CTNNA1: variants seen among roughly 807,000 people sequenced by gnomAD.
CTNNA1 encodes the protein catenin alpha 1.
Under a neutral mutation model 98.4 loss-of-function variants are expected in CTNNA1, and 37 were observed. The ratio of observed to expected loss-of-function variants is 0.38; its 90% CI spans 0.29 to 0.49. The LOEUF is 0.49. CTNNA1 is among the 20% of genes least tolerant of loss of function. CTNNA1 has a pLI of 0.95. For synonymous variants in CTNNA1, 404 were observed against 413.2 expected (o/e 0.98, Z 0.27); for missense variants, 761 against 1,147.2 (o/e 0.66, Z 4.86).
intron 10 of CTNNA1, among the ~76,000 whole-genome samples, chr5:138,914,327 T>C (rs1466981819): frequency 6.6e-6 from 1 of 152,212 alleles, no homozygotes; most frequent in East Asian, 1.9e-4. Flanking sequence ...ATTGAATTAA[T>C]GAGTTAATTA....
At chr5:138,925,570 G>C in intron 13 of CTNNA1, 163 bp downstream of exon 13, 1 of 1,133,026 alleles carries the variant, frequency 8.8e-7, no homozygotes, top group Non-Finnish European at 1.2e-6. Flanking sequence ...TGTCTAAAAT[G>C]ACTGTTAGTT....
At chr5:138,908,867 G>A (rs1016255763) in intron 10 of CTNNA1, among the ~76,000 whole-genome samples, 3 of 152,016 alleles carry the variant, frequency 2.0e-5, no homozygotes, top group Non-Finnish European at 4.4e-5. Flanking sequence ...GCCTCCATCC[G>A]AGCAGAGCGC....
At chr5:138,753,593 G>A in intron 1 of CTNNA1, 83 bp downstream of exon 1, 1 of 359,106 alleles carries the variant, frequency 2.8e-6, no homozygotes, top group East Asian at 4.0e-5. Context: ...CCCAAGCTGG[G>A]CCCCGCGAGC....
intron 1 of CTNNA1, among the ~76,000 whole-genome samples, chr5:138,767,417 A>C (rs1195323079): frequency 1.3e-5 from 2 of 152,118 alleles, no homozygotes; most frequent in African/African-American, 4.8e-5. Context: ...GGTTGCCGGA[A>C]GGTGCTGGTG....
chr5:138,809,917 ACT>A (rs1758497883), intron 3 of CTNNA1, 119 bp from the exon 4 acceptor site: 1 of 1,302,698 alleles, frequency 7.7e-7, no homozygotes, highest in Non-Finnish European at 1.0e-6. Context: ...AAAAATGAAA[ACT>A]CTTAAACTAA....
intron 7 of CTNNA1, among the ~76,000 whole-genome samples, chr5:138,829,168 G>T (rs962021363): frequency 1.3e-5 from 2 of 152,094 alleles, no homozygotes; most frequent in African/African-American, 2.4e-5. Flanking sequence ...TAAGAAAAAT[G>T]AGATTAGAGG....
At chr5:138,849,982 A>G (rs1232011833) in intron 7 of CTNNA1, among the ~76,000 whole-genome samples, 1 of 151,040 alleles carries the variant, frequency 6.6e-6, no homozygotes, top group African/African-American at 2.5e-5. Context: ...TTTTGTAGAT[A>G]CAATAAAACA....
chr5:138,903,010 G>C (rs1055625787), intron 9 of CTNNA1, among the ~76,000 whole-genome samples: 2 of 152,026 alleles, frequency 1.3e-5, no homozygotes, highest in African/African-American at 4.8e-5. Context: ...GAAAAGAAAT[G>C]TCTCTCTGCT....
intron 7 of CTNNA1, among the ~76,000 whole-genome samples, chr5:138,852,871 G>GCGCACACACACACACGCGCGCGCACA (rs869240008): frequency 6.6e-6 from 1 of 151,240 alleles, no homozygotes; most frequent in African/African-American, 2.4e-5. Context: ...GCGCGCGCGC[G>GCGCACACACACACACGCGCGCGCACA]CACACACACA....
chr5:138,924,450 C>A (rs1475431534), intron 11 of CTNNA1, 60 bp from the exon 12 acceptor site: 1 of 1,548,446 alleles, frequency 6.5e-7, no homozygotes, highest in Non-Finnish European at 8.9e-7. Flanking sequence ...TGCCAGCTTA[C>A]AGTTGCCACC....
intron 7 of CTNNA1, among the ~76,000 whole-genome samples, chr5:138,860,104 A>G (rs288014): frequency 0.65 from 98,779 of 151,732 alleles, 32,862 homozygotes; most frequent in East Asian, 0.93. Flanking sequence ...TTATTTTCCA[A>G]TGTGGTACCT....
rs558654384 is a variant in CTNNA1, at chr5:138,795,311, A to G, written c.301+11939A>G. Among the ~76,000 whole-genome samples, 69 of 152,224 alleles carry G rather than the reference A, an allele frequency of 4.5e-4. No homozygotes were observed. In the South Asian group the frequency reaches 0.012, roughly 26 times the overall value. The stretch of plus-strand genomic sequence containing the variant: ...CCCGTCTACTAAAAATATAAAAATT[A>G]GCTGGGCGTGTTGGCGCACATCTGT... On this transcript the variant is annotated intron_variant, in intron 3 of 17. Transcript: ENST00000302763.
intron 10 of CTNNA1, among the ~76,000 whole-genome samples, chr5:138,911,436 T>C (rs1760601490): frequency 6.6e-6 from 1 of 151,556 alleles, no homozygotes; most frequent in East Asian, 1.9e-4. Context: ...GATGGAAAGA[T>C]TATCCTAGAT....
chr5:138,776,548 T>G (rs1754208822), intron 1 of CTNNA1, among the ~76,000 whole-genome samples: 1 of 152,188 alleles, frequency 6.6e-6, no homozygotes, highest in Non-Finnish European at 1.5e-5. Context: ...CCGTTCTCAA[T>G]GAGCTGCTGG....
At chr5:138,872,947 A>T (rs1750818919) in intron 7 of CTNNA1, 1 of 1,218,132 alleles carries the variant, frequency 8.2e-7, no homozygotes, top group Admixed American at 2.3e-5. Flanking sequence ...TTAGATATGT[A>T]TTTAGCCTCT....
Position 138,826,794 on chromosome 5 carries a change from C to T in CTNNA1, c.859-721C>T, listed in dbSNP as rs557448386. ...GGTTAGAGATCAGTTTGTATGTGTG[C>T]GCACACGTGTATATATTTTAAGAGA... On this transcript the variant is annotated intron_variant, in intron 6 of 17. Coordinates refer to ENST00000302763, the MANE Select transcript of CTNNA1 (RefSeq NM_001903.5). 2.1e-4 allele frequency among the ~76,000 whole-genome samples: 32 copies of T among 152,212 alleles called. No individual in the cohort carries two copies. In the South Asian group the frequency reaches 3.9e-3, roughly 19 times the overall value.
chr5:138,771,239 T>C (rs548438673), intron 1 of CTNNA1, among the ~76,000 whole-genome samples: 1 of 152,138 alleles, frequency 6.6e-6, no homozygotes, highest in Admixed American at 6.5e-5. Flanking sequence ...TTTTTGTCCT[T>C]TGATGAGTGC....
intron 9 of CTNNA1, among the ~76,000 whole-genome samples, chr5:138,901,514 T>C (rs1758023201): frequency 6.6e-6 from 1 of 152,114 alleles, no homozygotes; most frequent in Non-Finnish European, 1.5e-5. Context: ...AGCCTCGACC[T>C]TCTGGGCTCA....
chr5:138,760,371 C>CT (rs111615984), intron 1 of CTNNA1, among the ~76,000 whole-genome samples: 99,530 of 146,900 alleles, frequency 0.68, 33,728 homozygotes, highest in East Asian at 0.93. Context: ...TCCATTCATA[C>CT]TTTTTTTTTT....
Sources: gnomAD v4.1 joint callset for allele counts (sites outside exome capture counted in the v4.1 genomes callset) on GRCh38, gnomAD v4.1.1 for gene constraint, MANE v1.5 for transcripts, NCBI Gene and HGNC (gene_info 2026-07-23, HGNC 2026-07-21) for gene names.